Variants in SNX29 observed in about 807,000 individuals in gnomAD.
SNX29 encodes sorting nexin 29, also known as sorting nexin-29.
A neutral mutation model predicts 102.1 loss-of-function variants in SNX29; 78 were observed. That is an observed-to-expected ratio of 0.76 (90% CI 0.64 to 0.92). The LOEUF (loss-of-function observed/expected upper bound fraction) is 0.92, where lower values mean the gene tolerates loss of function less well. Ranked by LOEUF, SNX29 falls within the 40% of genes least tolerant of loss-of-function variation. The probability of loss-of-function intolerance (pLI) is 0.00; values close to 1 mark genes in which losing one functional copy is unlikely to be tolerated. For synonymous variants in SNX29, 580 were observed against 414.5 expected (o/e 1.40, Z -4.85); for missense variants, 1,280 against 1,061.7 (o/e 1.21, Z -2.86).
At chr16:12,022,981 A>G (rs1250554651) in intron 3 of SNX29, among the ~76,000 whole-genome samples, 2 of 145,640 alleles carry the variant, frequency 1.4e-5, no homozygotes, top group African/African-American at 5.1e-5. Context: ...ACTGCAACCT[A>G]TGCCCCCTGG....
intron 20 of SNX29, among the ~76,000 whole-genome samples, chr16:12,567,853 C>T (rs924800150): frequency 5.3e-5 from 8 of 152,180 alleles, no homozygotes; most frequent in East Asian, 1.9e-4. Flanking sequence ...AGCCTCTACC[C>T]TATCCCCTAA....
At chr16:12,133,281 GTTTTTTTTTT>G (rs57733463) in intron 13 of SNX29, among the ~76,000 whole-genome samples, 8 of 66,866 alleles carry the variant, frequency 1.2e-4, no homozygotes, top group South Asian at 6.9e-4. Context: ...CTTAGTGTGG[GTTTTTTTTTT>G]TTTTTTTTTT....
At chr16:12,180,914 C>T (rs2076369542) in intron 13 of SNX29, among the ~76,000 whole-genome samples, 1 of 152,196 alleles carries the variant, frequency 6.6e-6, no homozygotes, top group Non-Finnish European at 1.5e-5. Context: ...CTGAGCTTTC[C>T]TGGCTCTTAT....
In SNX29 at chr16:12,477,790, C is replaced by T. The variant is rs1472608726; in HGVS notation, c.2109C>T (p.His703=). The change falls in exon 19 of 21, where the codon CAC becomes CAT. Residue 703 remains histidine (H), a synonymous_variant. Transcript: ENST00000566228. ...RRYTEFRSLH[H]KLQNKYPQVR... ...ATACAGAGTTCAGGAGTTTGCACCA[C>T]AAGTTACAAAACAAGTACCCTCAAG... is the stretch of plus-strand genomic sequence containing the variant. The T allele has an allele frequency of 5.0e-6, 8 of 1,613,220 alleles. No homozygotes were observed. The highest frequency in any genetic ancestry group is 5.9e-6 in the Non-Finnish European group (7 of 1,179,722).
At chr16:12,025,798 A>T (rs2057175103) in intron 3 of SNX29, among the ~76,000 whole-genome samples, 1 of 152,232 alleles carries the variant, frequency 6.6e-6, no homozygotes, top group South Asian at 2.1e-4. Context: ...GAGGACTTTT[A>T]TCTTAGAATA....
intron 15 of SNX29, among the ~76,000 whole-genome samples, chr16:12,300,469 T>G (rs1044299294): frequency 6.6e-6 from 1 of 152,328 alleles, no homozygotes; most frequent in South Asian, 2.1e-4. Flanking sequence ...TTGTTTGGCA[T>G]TGTGTTTTGC....
intron 19 of SNX29, among the ~76,000 whole-genome samples, chr16:12,494,866 C>G (rs1332186264): frequency 6.6e-6 from 1 of 152,212 alleles, no homozygotes; most frequent in East Asian, 1.9e-4. Context: ...AGAAAATAAA[C>G]TAGCCCTGCT....
intron 16 of SNX29, among the ~76,000 whole-genome samples, chr16:12,373,399 G>A (rs1419648717): frequency 6.6e-5 from 10 of 152,114 alleles, no homozygotes; most frequent in Admixed American, 3.9e-4. Flanking sequence ...CATAGTGCTG[G>A]GATTACAAGT....
chr16:12,025,054 C>T (rs1004599019), intron 3 of SNX29, among the ~76,000 whole-genome samples: 2 of 152,002 alleles, frequency 1.3e-5, no homozygotes, highest in African/African-American at 4.8e-5. Context: ...GTAATCCCAG[C>T]ACTTTGGGAG....
At chr16:12,531,546 C>T (rs1312279082) in intron 20 of SNX29, among the ~76,000 whole-genome samples, 1 of 152,058 alleles carries the variant, frequency 6.6e-6, no homozygotes, top group Non-Finnish European at 1.5e-5. Flanking sequence ...CCGTGGTCCT[C>T]ATGGCAAGGG....
At chr16:12,333,967 A>G (rs2081369589) in intron 15 of SNX29, among the ~76,000 whole-genome samples, 1 of 152,160 alleles carries the variant, frequency 6.6e-6, no homozygotes, top group Admixed American at 6.5e-5. Flanking sequence ...ATGTAACCTC[A>G]TGGGGATGTT....
chr16:12,183,957 G>T (rs182553275), intron 13 of SNX29, among the ~76,000 whole-genome samples: 6 of 152,336 alleles, frequency 3.9e-5, no homozygotes, highest in African/African-American at 1.4e-4. Context: ...TAAAAGGGGG[G>T]TATGCACCCT....
chr16:12,541,870 A>T (rs553096149), intron 20 of SNX29, among the ~76,000 whole-genome samples: 4 of 152,228 alleles, frequency 2.6e-5, no homozygotes, highest in African/African-American at 9.6e-5. Context: ...GAAACCAGTC[A>T]ATGCTTGATG....
rs1335485610 is a variant in SNX29 at position 12,570,575 on chromosome 16, C to A, written c.*1946C>A. On this transcript the variant is annotated 3_prime_UTR_variant, in exon 21 of 21. Transcript: ENST00000566228. ...CTCAGAGACTGTCTCAGGAGTGCCT[C>A]CCTGGCCTGGGTAGCTACCCTGGAG... The A allele has an allele frequency of 1.3e-5, 3 of 232,158 alleles. No homozygotes were observed. The highest frequency in any genetic ancestry group is 2.2e-5 in the African/African-American group (1 of 45,262). 14.4% of individuals were successfully genotyped at this position (232,158 alleles called of 1,614,324 possible).
At chr16:12,150,452 C>T (rs562661159) in intron 13 of SNX29, among the ~76,000 whole-genome samples, 9 of 152,318 alleles carry the variant, frequency 5.9e-5, no homozygotes, top group African/African-American at 1.9e-4. Flanking sequence ...CCTCAAGGTA[C>T]GAGGCCAGAC....
intron 11 of SNX29, among the ~76,000 whole-genome samples, chr16:12,121,782 G>A (rs1180254611): frequency 1.3e-5 from 2 of 152,128 alleles, no homozygotes; most frequent in Non-Finnish European, 2.9e-5. Context: ...ATTTAAGGGT[G>A]GGTTTGTTTA....
chr16:12,559,991 T>G (rs1002073346), intron 20 of SNX29, among the ~76,000 whole-genome samples: 1 of 152,160 alleles, frequency 6.6e-6, no homozygotes, highest in African/African-American at 2.4e-5. Flanking sequence ...AAAAAAGATT[T>G]TGCAAGCAAC....
In SNX29 at chr16:12,288,818, A is replaced by G. The variant is rs551771782; in HGVS notation, c.1782+10782A>G. ...TTCTCTGCATACCTACAGATGATGAAGCCGAGGCTTGGAAGGGTTAAGTCA... is the reference window on the plus strand; with the variant it reads ...TTCTCTGCATACCTACAGATGATGAGGCCGAGGCTTGGAAGGGTTAAGTCA... On this transcript the variant is annotated intron_variant, in intron 15 of 20. Coordinates refer to ENST00000566228, the MANE Select transcript of SNX29 (RefSeq NM_032167.5). 2.6e-5 allele frequency among the ~76,000 whole-genome samples: 4 copies of G among 152,306 alleles called. No homozygotes were observed. In the East Asian group the frequency reaches 7.7e-4, roughly 29 times the overall value.
intron 1 of SNX29, chr16:11,983,643 C>A: frequency 3.0e-6 from 3 of 985,410 alleles, no homozygotes; most frequent in Non-Finnish European, 3.6e-6. Context: ...CCCACCTCTG[C>A]TAGCAACTGG....
Sources: gnomAD v4.1 joint callset for allele counts (sites outside exome capture counted in the v4.1 genomes callset) on GRCh38, gnomAD v4.1.1 for gene constraint, MANE v1.5 for transcripts, NCBI Gene and HGNC (gene_info 2026-07-23, HGNC 2026-07-21) for gene names.